ADAM20: variants seen among roughly 807,000 people sequenced by gnomAD.
The protein encoded by ADAM20 is disintegrin and metalloproteinase domain-containing protein 20.
For synonymous variants in ADAM20, 305 were observed against 310.2 expected (o/e 0.98, Z 0.18); for missense variants, 871 against 883.2 (o/e 0.99, Z 0.18).
chr14:70,565,390 G>A, the ADAM20 span, among the ~76,000 whole-genome samples: 2 of 151,944 alleles, frequency 1.3e-5, no homozygotes, highest in African/African-American at 4.8e-5. Flanking sequence ...CCCAAATCTG[G>A]GCATGGAAAT....
intron 1 of ADAM20, among the ~76,000 whole-genome samples, chr14:70,534,112 A>G (rs1330074343): frequency 6.8e-6 from 1 of 146,532 alleles, no homozygotes; most frequent in Admixed American, 6.8e-5. Flanking sequence ...AAAAAAACAC[A>G]CACACACACA....
chr14:70,540,574 A>G, the ADAM20 span, among the ~76,000 whole-genome samples: 2 of 152,238 alleles, frequency 1.3e-5, no homozygotes, highest in African/African-American at 4.8e-5. Flanking sequence ...CTACAAGACT[A>G]TAACTCAGCC....
chr14:70,578,393 G>A, the ADAM20 span, among the ~76,000 whole-genome samples: 1 of 152,136 alleles, frequency 6.6e-6, no homozygotes, highest in African/African-American at 2.4e-5. Context: ...AAAGATCCTA[G>A]AAGAAAATCT....
chr14:70,545,195 C>G, the ADAM20 span, among the ~76,000 whole-genome samples: 1 of 152,156 alleles, frequency 6.6e-6, no homozygotes. Context: ...AAGGCAGCAC[C>G]TTCATAGGAA....
chr14:70,544,470 T>A, the ADAM20 span, among the ~76,000 whole-genome samples: 6 of 152,224 alleles, frequency 3.9e-5, no homozygotes, highest in Admixed American at 6.5e-5. Flanking sequence ...AGGATGCAGC[T>A]AAAGCAGTGC....
At chr14:70,559,954 T>G in the ADAM20 span, among the ~76,000 whole-genome samples, 1 of 152,232 alleles carries the variant, frequency 6.6e-6, no homozygotes, top group Non-Finnish European at 1.5e-5. Context: ...ATTGCTCTTG[T>G]GTTAATAATA....
chr14:70,578,961 T>C, the ADAM20 span, among the ~76,000 whole-genome samples: 1 of 152,200 alleles, frequency 6.6e-6, no homozygotes, highest in Non-Finnish European at 1.5e-5. Context: ...ATTTCTGTGT[T>C]AATTTGCTTA....
chr14:70,542,676 C>T, the ADAM20 span, among the ~76,000 whole-genome samples: 5 of 152,218 alleles, frequency 3.3e-5, no homozygotes, highest in Admixed American at 1.3e-4. Context: ...TGGTGGCTCA[C>T]GCCTGTAATC....
At chr14:70,538,819 G>T (rs1883888399), upstream of ADAM20, among the ~76,000 whole-genome samples, 1 of 152,132 alleles carries the variant, frequency 6.6e-6, no homozygotes, top group Non-Finnish European at 1.5e-5. Flanking sequence ...TTTTTTCTGA[G>T]ATGGAGTCTT....
rs1238423636 is a variant in ADAM20, at chr14:70,528,360, T to C, written c.-176-3427A>G. On this transcript the variant is annotated intron_variant, in intron 1 of 1. Coordinates refer to ENST00000256389, the MANE Select transcript of ADAM20 (RefSeq NM_003814.5). ...TTTTTTAGATATGGTTGTGAGGAAA[T>C]GGATCAGAAAGTGAATAGATAAGGA... is the stretch of plus-strand genomic sequence containing the variant. Among the ~76,000 whole-genome samples the C allele has an allele frequency of 2.6e-5, 4 of 152,246 alleles. No homozygotes were observed. The East Asian group carries it at 7.7e-4, about 29-fold the overall frequency.
At chr14:70,525,554 C>A (rs1021993118) in intron 1 of ADAM20, among the ~76,000 whole-genome samples, 3 of 152,060 alleles carry the variant, frequency 2.0e-5, no homozygotes, top group Non-Finnish European at 2.9e-5. Flanking sequence ...TGGATTCTGA[C>A]ACAAATCTTT....
chr14:70,577,437 T>C, the ADAM20 span, among the ~76,000 whole-genome samples: 3 of 152,276 alleles, frequency 2.0e-5, no homozygotes, highest in South Asian at 2.1e-4. Flanking sequence ...TTTGATAAAA[T>C]TGAAAACTAC....
At chr14:70,532,291 A>C (rs937481172) in intron 1 of ADAM20, among the ~76,000 whole-genome samples, 4 of 152,248 alleles carry the variant, frequency 2.6e-5, no homozygotes, top group Non-Finnish European at 4.4e-5. Flanking sequence ...CAAAAGCATG[A>C]AATTGAACAC....
the ADAM20 span, among the ~76,000 whole-genome samples, chr14:70,572,631 C>T: frequency 6.6e-6 from 1 of 151,922 alleles, no homozygotes; most frequent in African/African-American, 2.4e-5. Context: ...TTTAGCATAG[C>T]AAAAGAAACA....
upstream of ADAM20, among the ~76,000 whole-genome samples, chr14:70,538,062 C>T (rs1033965678): frequency 7.2e-5 from 11 of 152,072 alleles, 1 homozygote; most frequent in Non-Finnish European, 2.9e-5. Context: ...CCCTTTTGAC[C>T]CTGCAGATGA....
chr14:70,558,599 G>A, the ADAM20 span, among the ~76,000 whole-genome samples: 25 of 152,268 alleles, frequency 1.6e-4, no homozygotes, highest in Admixed American at 5.9e-4. Flanking sequence ...CAGAACTATA[G>A]TGGAGTGGGG....
At chr14:70,533,620 G>C (rs547567530) in intron 1 of ADAM20, among the ~76,000 whole-genome samples, 1 of 152,242 alleles carries the variant, frequency 6.6e-6, no homozygotes, top group East Asian at 1.9e-4. Context: ...GGCAAGGGAA[G>C]GGAGAGCATT....
chr14:70,526,428 A>G lies in ADAM20; in HGVS notation c.-176-1495T>C, dbSNP rs149587627. Among the ~76,000 whole-genome samples, 4 of 152,296 alleles carry G rather than the reference A, an allele frequency of 2.6e-5. 1 individual carries two copies. Among genetic ancestry groups the G allele is most frequent in the African/African-American group, 7.2e-5 (3 of 41,566 alleles). ...AGACCTCTTAGGTAAAGTATATCTG[A>G]TAGAGGTGAAATCCCAATTTAGATT... On this transcript the variant is annotated intron_variant, in intron 1 of 1. Coordinates refer to ENST00000256389, the MANE Select transcript of ADAM20 (RefSeq NM_003814.5).
chr14:70,565,587 G>A, the ADAM20 span, among the ~76,000 whole-genome samples: 1 of 152,158 alleles, frequency 6.6e-6, no homozygotes, highest in Non-Finnish European at 1.5e-5. Context: ...AACTATGCAG[G>A]CCAAGAGAGT....
Sources: gnomAD v4.1 joint callset for allele counts (sites outside exome capture counted in the v4.1 genomes callset) on GRCh38, gnomAD v4.1.1 for gene constraint, MANE v1.5 for transcripts, NCBI Gene and HGNC (gene_info 2026-07-23, HGNC 2026-07-21) for gene names.